The following RAI1 variants were observed in gnomAD, a reference collection of about 807,000 sequenced individuals.
RAI1 encodes the protein retinoic acid induced 1.
A neutral mutation model predicts 123.8 loss-of-function variants in RAI1; 9 were observed. The ratio of observed to expected loss-of-function variants is 0.07; its 90% confidence interval spans 0.04 to 0.13. The LOEUF (loss-of-function observed/expected upper bound fraction) is 0.13, where lower values mean the gene tolerates loss of function less well. Among genes scored for constraint, RAI1 ranks in the 10% least tolerant of loss-of-function variants. RAI1 has a pLI of 1.00. For missense variants in RAI1, 2,256 were observed against 2,545.8 expected, an observed-to-expected ratio of 0.89 and a Z score of 2.45; for synonymous variants, 1,231 against 1,127.3, an observed-to-expected ratio of 1.09 and a Z score of -1.84.
chr17:17,794,510 C>G lies in RAI1; in HGVS notation c.1562C>G (p.Ser521Cys), dbSNP rs768625819. The change falls in exon 3 of 6, where the codon TCC becomes TGC. Residue 521 changes from serine to cysteine, a missense_variant. Ser to Cys is a moderately radical substitution (Grantham distance 112). This residue lies in a region of RAI1 where 357 missense variants were observed against 480.2 expected (regional missense o/e 0.74). Coordinates refer to ENST00000353383, the MANE Select transcript of RAI1 (RefSeq NM_030665.4). ...EPQEADYLSG[S>C]EDPLERSFLY... ...CAGGAGGCCGACTACCTGAGCGGCT[C>G]CGAGGACCCACTGGAGCGCAGCTTC... The G allele has an allele frequency of 1.2e-6, 2 of 1,612,468 alleles. No individual in the cohort carries two copies. Among genetic ancestry groups the G allele is most frequent in the African/African-American group, 1.3e-5 (1 of 75,064 alleles).
At chr17:17,756,314 C>T (rs1334742712) in intron 2 of RAI1, among the ~76,000 whole-genome samples, 1 of 151,978 alleles carries the variant, frequency 6.6e-6, no homozygotes, top group Admixed American at 6.5e-5. Context: ...TCTCCTGCCT[C>T]AGCCTCCCAG....
At chr17:17,706,881 A>G (rs1363130753) in intron 1 of RAI1, among the ~76,000 whole-genome samples, 1 of 152,242 alleles carries the variant, frequency 6.6e-6, no homozygotes, top group Non-Finnish European at 1.5e-5. Flanking sequence ...TGTAACAGGA[A>G]TGTTTTAATC....
At chr17:17,803,926 C>G (rs1889019) in intron 4 of RAI1, 77 bp downstream of exon 4, 1 of 1,374,228 alleles carries the variant, frequency 7.3e-7, no homozygotes, top group African/African-American at 1.4e-5. Context: ...GGGCACAGCT[C>G]CCCAAACCCA....
chr17:17,727,867 GGA>G lies in RAI1; in HGVS notation c.-17+3718_-17+3719del, dbSNP rs142571611. Among the ~76,000 whole-genome samples the G allele has an allele frequency of 1.8e-3, 267 of 152,216 alleles. 2 individuals carry two copies. Among genetic ancestry groups the G allele is most frequent in the African/African-American group, 5.4e-3 (224 of 41,524 alleles). On this transcript the variant is annotated intron_variant, in intron 2 of 5. Coordinates refer to ENST00000353383, the MANE Select transcript of RAI1 (RefSeq NM_030665.4). ...AGGAGACCCCCCGGGGAGAAGGGAA[GGA>G]GAGAGAGAGGGAAGAAAGAGTTGAA...
At chr17:17,774,467 G>C (rs2031267881) in intron 2 of RAI1, among the ~76,000 whole-genome samples, 1 of 152,242 alleles carries the variant, frequency 6.6e-6, no homozygotes, top group South Asian at 2.1e-4. Flanking sequence ...CGGCCCGTCA[G>C]CCAAGTCTTT....
At chr17:17,691,365 G>T (rs1003656247) in intron 1 of RAI1, among the ~76,000 whole-genome samples, 1 of 152,224 alleles carries the variant, frequency 6.6e-6, no homozygotes, top group Non-Finnish European at 1.5e-5. Flanking sequence ...AAGCAGCAGT[G>T]GCCAAGCAGA....
intron 1 of RAI1, among the ~76,000 whole-genome samples, chr17:17,709,137 CA>C: frequency 6.6e-6 from 1 of 152,260 alleles, no homozygotes. Context: ...ATCATTATGA[CA>C]ATGATGACTG....
intron 2 of RAI1, among the ~76,000 whole-genome samples, chr17:17,789,201 C>T (rs933543820): frequency 6.6e-6 from 1 of 152,330 alleles, no homozygotes; most frequent in African/African-American, 2.4e-5. Flanking sequence ...CAGTCACTGC[C>T]GCTGCTGCTG....
intron 2 of RAI1, among the ~76,000 whole-genome samples, chr17:17,730,877 T>C (rs1187281566): frequency 1.3e-5 from 2 of 152,214 alleles, no homozygotes; most frequent in East Asian, 1.9e-4. Flanking sequence ...GCTTTGCCGG[T>C]GTCACTCTTC....
chr17:17,688,908 A>C (rs1227997675), intron 1 of RAI1, among the ~76,000 whole-genome samples: 1 of 148,620 alleles, frequency 6.7e-6, no homozygotes, highest in Non-Finnish European at 1.5e-5. Context: ...TTGGGCAGTT[A>C]TTTTTATTGC....
chr17:17,806,319 G>A (rs4924819), intron 4 of RAI1, among the ~76,000 whole-genome samples: 1,555 of 152,310 alleles, frequency 0.01, 23 homozygotes, highest in African/African-American at 0.034. Flanking sequence ...TAAAATCCTA[G>A]AAGGATTCCT....
Position 17,803,779 on chromosome 17 carries a change from C to G in RAI1, c.5589C>G (p.Ala1863=), listed in dbSNP as rs111696458. 66 of 1,613,248 alleles carry G rather than the reference C, an allele frequency of 4.1e-5. No individual in the cohort carries two copies. Among genetic ancestry groups the G allele is most frequent in the Middle Eastern group, 1.6e-4 (1 of 6,084 alleles). ...VDMMCSSCQE[A]GATIGCCHKG... ...AGATGTGTTCCAGCTGCCAAGAAGC[C>G]GGGGCCACCATTGGGTGCTGCCACA... Residue 1863 remains alanine (A), a synonymous_variant, in exon 4 of 6, where the codon GCC becomes GCG. Transcript: ENST00000353383.
At chr17:17,749,380 GC>G (rs2030063410) in intron 2 of RAI1, among the ~76,000 whole-genome samples, 1 of 152,228 alleles carries the variant, frequency 6.6e-6, no homozygotes, top group Admixed American at 6.5e-5. Flanking sequence ...CATCCTCCAC[GC>G]ACTGCCTAGG....
intron 1 of RAI1, among the ~76,000 whole-genome samples, chr17:17,720,666 T>G (rs1915851374): frequency 6.6e-6 from 1 of 152,192 alleles, no homozygotes; most frequent in East Asian, 1.9e-4. Flanking sequence ...ATCTTGAAAT[T>G]GAGAGTCGGA....
intron 2 of RAI1, among the ~76,000 whole-genome samples, chr17:17,752,292 C>A (rs1025761458): frequency 3.3e-5 from 5 of 152,236 alleles, no homozygotes; most frequent in Non-Finnish European, 5.9e-5. Context: ...CCCCAGCCCC[C>A]AGCCCGGGCA....
At chr17:17,741,748 A>C (rs1374081330) in intron 2 of RAI1, among the ~76,000 whole-genome samples, 2 of 152,234 alleles carry the variant, frequency 1.3e-5, no homozygotes, top group Non-Finnish European at 2.9e-5. Context: ...AAAAGGCTTA[A>C]AGCCCGGGAG....
At chr17:17,705,577 C>T (rs189219825) in intron 1 of RAI1, among the ~76,000 whole-genome samples, 19 of 151,734 alleles carry the variant, frequency 1.3e-4, no homozygotes, top group African/African-American at 3.4e-4. Flanking sequence ...AAAACAAAAA[C>T]GAGCCAGGTG....
rs1027998443 is a variant in RAI1, at chr17:17,799,987, C to T, written c.5565+1474C>T. On this transcript the variant is annotated intron_variant, in intron 3 of 5. Transcript: ENST00000353383. This position sits in a 1 kb window ranked among gnomAD's most constrained non-coding sequence, Gnocchi z 4.5. The stretch of plus-strand genomic sequence containing the variant: ...ACTGCCCATGGGGATGGCTGGAGAC[C>T]TTCTCCACGCCCAGACGCCCTGCCC... Among the ~76,000 whole-genome samples, 2 of 152,130 alleles carry T rather than the reference C, an allele frequency of 1.3e-5. No homozygotes were observed. Among genetic ancestry groups the T allele is most frequent in the Non-Finnish European group, 2.9e-5 (2 of 68,004 alleles).
intron 2 of RAI1, among the ~76,000 whole-genome samples, chr17:17,767,889 G>A (rs1004846014): frequency 6.6e-5 from 10 of 152,102 alleles, no homozygotes; most frequent in African/African-American, 1.9e-4. Flanking sequence ...TAGTTGAGCC[G>A]GTAAGCTCAG....
Sources: gnomAD v4.1 joint callset for allele counts (sites outside exome capture counted in the v4.1 genomes callset) on GRCh38, gnomAD v4.1.1 for gene constraint, gnomAD v4.1.1 regional missense constraint, Gnocchi (gnomAD v3.1) non-coding constraint, MANE v1.5 for transcripts, NCBI Gene and HGNC (gene_info 2026-07-23, HGNC 2026-07-21) for gene names.